The following TTC7A variants were observed in gnomAD, a reference collection of about 807,000 sequenced individuals.
TTC7A encodes the protein tetratricopeptide repeat domain 7A.
In TTC7A, 110 loss-of-function variants were observed where a neutral mutation model predicts 103.7. The observed-to-expected ratio is 1.06, with a 90% confidence interval of 0.91 to 1.24. The LOEUF is 1.24. Among genes scored for constraint, TTC7A ranks in the 50% most tolerant of loss-of-function variants. The pLI, the probability that TTC7A is intolerant of heterozygous loss-of-function variation, is 0.00. For missense variants in TTC7A, 1,340 were observed against 1,116.3 expected (o/e 1.20, Z -2.86); for synonymous variants, 521 against 467.9 (o/e 1.11, Z -1.47).
intron 1 of TTC7A, chr2:46,917,112 T>G (rs1304761296): frequency 1.4e-6 from 1 of 692,122 alleles, no homozygotes; most frequent in Non-Finnish European, 2.6e-6. Context: ...CACCTTCATC[T>G]GAGATTGAAA....
intron 3 of TTC7A, among the ~76,000 whole-genome samples, chr2:46,973,905 G>T (rs144620363): frequency 3.9e-5 from 6 of 152,282 alleles, no homozygotes; most frequent in Non-Finnish European, 5.9e-5. Context: ...TGAAAGGGAG[G>T]TTTCCCCAAA....
chr2:47,032,859 CAAAAAAAA>C (rs10586448), intron 15 of TTC7A, among the ~76,000 whole-genome samples: 19 of 87,940 alleles, frequency 2.2e-4, no homozygotes, highest in Middle Eastern at 8.5e-3. Context: ...TTGTTTTAAG[CAAAAAAAA>C]AAAAAAAAAA....
intron 5 of TTC7A, among the ~76,000 whole-genome samples, chr2:46,987,994 A>G (rs550154505): frequency 3.2e-4 from 49 of 152,280 alleles, no homozygotes; most frequent in Non-Finnish European, 5.3e-4. Flanking sequence ...CTGCAGGGCT[A>G]GGGGAGGACA....
chr2:46,998,211 C>T (rs553795827), intron 8 of TTC7A, among the ~76,000 whole-genome samples: 42 of 152,264 alleles, frequency 2.8e-4, no homozygotes, highest in Admixed American at 4.6e-4. Flanking sequence ...TACGCACACC[C>T]AGCCTGTTAG....
chr2:47,071,510 T>G (rs1000892593), intron 19 of TTC7A, among the ~76,000 whole-genome samples: 2 of 152,196 alleles, frequency 1.3e-5, no homozygotes, highest in Admixed American at 6.5e-5. Flanking sequence ...AAGTTGATCA[T>G]TGCAGAATCC....
intron 15 of TTC7A, among the ~76,000 whole-genome samples, chr2:47,040,203 C>T (rs1188148792): frequency 1.3e-5 from 2 of 152,210 alleles, no homozygotes; most frequent in African/African-American, 4.8e-5. Context: ...CCCGCCCAGA[C>T]CAGGGCCTGT....
At chr2:47,055,578 C>G (rs940369721) in intron 18 of TTC7A, among the ~76,000 whole-genome samples, 1 of 152,176 alleles carries the variant, frequency 6.6e-6, no homozygotes, top group African/African-American at 2.4e-5. Flanking sequence ...TCCCCCATGA[C>G]CCCCATGATC....
intron 15 of TTC7A, among the ~76,000 whole-genome samples, chr2:47,039,178 C>T (rs964543465): frequency 3.3e-5 from 5 of 152,206 alleles, no homozygotes; most frequent in Non-Finnish European, 7.3e-5. Flanking sequence ...GAAGTATACC[C>T]ACATCATCTG....
chr2:47,047,415 C>A (rs1682437411), intron 16 of TTC7A: 2 of 928,092 alleles, frequency 2.2e-6, no homozygotes, highest in Non-Finnish European at 3.3e-6. Context: ...CAGAGGAGGA[C>A]CAGTGGGCGG....
At chr2:46,943,158 C>A (rs780540297) in intron 1 of TTC7A, among the ~76,000 whole-genome samples, 3 of 152,176 alleles carry the variant, frequency 2.0e-5, no homozygotes, top group Non-Finnish European at 4.4e-5. Context: ...CCACCTGGGC[C>A]TCCCAAAGTG....
intron 3 of TTC7A, among the ~76,000 whole-genome samples, chr2:46,969,234 T>A (rs1397031137): frequency 6.6e-6 from 1 of 150,758 alleles, no homozygotes; most frequent in Admixed American, 6.6e-5. Context: ...CCGGGCACGG[T>A]GGCTCACACC....
chr2:46,945,460 G>A (rs1670850190), intron 1 of TTC7A, among the ~76,000 whole-genome samples: 1 of 152,232 alleles, frequency 6.6e-6, no homozygotes, highest in Non-Finnish European at 1.5e-5. Context: ...ATGTTGGCCA[G>A]GATGGTCTCT....
chr2:47,016,501 G>C (rs1050834615), intron 11 of TTC7A, among the ~76,000 whole-genome samples: 9 of 152,350 alleles, frequency 5.9e-5, no homozygotes, highest in South Asian at 2.1e-4. Context: ...GAATTGCAGA[G>C]GACTAGGCAG....
chr2:47,038,333 C>G (rs1165982142), intron 15 of TTC7A, among the ~76,000 whole-genome samples: 1 of 151,864 alleles, frequency 6.6e-6, no homozygotes, highest in Non-Finnish European at 1.5e-5. Flanking sequence ...CAAGGAGGGA[C>G]ACTTGGGTCA....
chr2:46,958,486 T>G (rs752025833), intron 3 of TTC7A: 3 of 1,304,134 alleles, frequency 2.3e-6, no homozygotes, highest in South Asian at 1.2e-5. Flanking sequence ...TGCTCTCTCC[T>G]CTTTCCAGCA....
chr2:46,988,326 T>C lies in TTC7A; in HGVS notation c.765-5124T>C, dbSNP rs553934377. 4.6e-5 allele frequency among the ~76,000 whole-genome samples: 7 copies of C among 152,202 alleles called. No individual in the cohort carries two copies. The East Asian group carries it at 1.4e-3, about 29-fold the overall frequency. The stretch of plus-strand genomic sequence containing the variant: ...GGAATCCTCTGTTTGAAACAGAGGA[T>C]TTGGGTCTGCGACAGGGGTGAACAG... On this transcript the variant is annotated intron_variant, in intron 5 of 19. Transcript: ENST00000319190.
chr2:46,964,404 G>C (rs550393206), intron 3 of TTC7A, among the ~76,000 whole-genome samples: 1 of 152,274 alleles, frequency 6.6e-6, no homozygotes, highest in East Asian at 1.9e-4. Context: ...GGCCCCATGA[G>C]AGGGCCCAGA....
At chr2:47,068,603 A>T (rs1684379819) in intron 19 of TTC7A, 1 of 152,046 alleles carries the variant, frequency 6.6e-6, no homozygotes, top group Admixed American at 6.6e-5. Context: ...CTGCAGGCCC[A>T]TGGTGTGGGG....
chr2:46,990,096 C>T (rs893921510), intron 5 of TTC7A, among the ~76,000 whole-genome samples: 1 of 152,236 alleles, frequency 6.6e-6, no homozygotes, highest in African/African-American at 2.4e-5. Context: ...CCCCGGGGTC[C>T]AGCCCTCTTC....
Sources: gnomAD v4.1 joint callset for allele counts (sites outside exome capture counted in the v4.1 genomes callset) on GRCh38, gnomAD v4.1.1 for gene constraint, MANE v1.5 for transcripts, NCBI Gene and HGNC (gene_info 2026-07-23, HGNC 2026-07-21) for gene names.